The following GABRA3 variants were observed in gnomAD, a reference collection of about 807,000 sequenced individuals.
GABRA3 encodes gamma-aminobutyric acid type A receptor subunit alpha3, also known as gamma-aminobutyric acid receptor subunit alpha-3.
Under a neutral mutation model 30.1 loss-of-function variants are expected in GABRA3, and 10 were observed. The observed-to-expected ratio is 0.33, with a 90% CI of 0.20 to 0.56. The LOEUF is 0.56. GABRA3 is among the 20% of genes least tolerant of loss of function. GABRA3 has a pLI of 0.89. For synonymous variants in GABRA3, 151 were observed against 146.8 expected, an observed-to-expected ratio of 1.03 and a Z score of -0.21; for missense variants, 233 against 392.0, an observed-to-expected ratio of 0.59 and a Z score of 3.42.
intron 5 of GABRA3, among the ~76,000 whole-genome samples, chrX:152,237,395 G>C (rs1938246220): frequency 9.5e-6 from 1 of 105,279 alleles, no homozygotes; most frequent in African/African-American, 3.6e-5. Flanking sequence ...TTTGGTTACT[G>C]TAGCCTTGTA....
chrX:152,361,471 G>A (rs1163204441), intron 2 of GABRA3, among the ~76,000 whole-genome samples: 3 of 107,808 alleles, frequency 2.8e-5, no homozygotes, highest in Non-Finnish European at 5.7e-5. Context: ...TACTCCGGAG[G>A]CTGAGGCAGG....
At chrX:152,189,465 G>A (rs765273551) in intron 9 of GABRA3, among the ~76,000 whole-genome samples, 1 of 111,839 alleles carries the variant, frequency 8.9e-6, no homozygotes, top group East Asian at 2.8e-4. Flanking sequence ...AAGTACCAAT[G>A]GGTGCCCCTT....
At chrX:152,202,640 G>T (rs765057464) in intron 7 of GABRA3, among the ~76,000 whole-genome samples, 2 of 112,331 alleles carry the variant, frequency 1.8e-5, no homozygotes, top group South Asian at 7.3e-4. Context: ...GTATGTGTAT[G>T]TATGTGCACA....
At chrX:152,447,897 C>T (rs1299581102) in intron 1 of GABRA3, among the ~76,000 whole-genome samples, 22 of 111,921 alleles carry the variant, frequency 2.0e-4, no homozygotes. Context: ...TGTCTGTGAA[C>T]TTTTATTACC....
intron 3 of GABRA3, among the ~76,000 whole-genome samples, chrX:152,336,297 T>C (rs778615511): frequency 3.6e-5 from 4 of 111,662 alleles, no homozygotes; most frequent in African/African-American, 6.5e-5. Context: ...GCTAAGAAAC[T>C]GTTCCTGCTT....
intron 9 of GABRA3, among the ~76,000 whole-genome samples, chrX:152,182,653 CATAT>C (rs373015912): frequency 2.3e-4 from 2 of 8,615 alleles, no homozygotes; most frequent in African/African-American, 9.8e-4. Context: ...ACTATATATA[CATAT>C]ATAGTGTATA....
In GABRA3 at chrX:152,166,441, T is replaced by C. The variant is rs1936938403; in HGVS notation, c.*1787A>G. ...ATGAATTTACCTACAGACACAGTCT[T>C]AGGAATAATGGGACGGGCATGCATT... On this transcript the variant is annotated 3_prime_UTR_variant, in exon 10 of 10. Coordinates refer to ENST00000370314, the MANE Select transcript of GABRA3 (RefSeq NM_000808.4). 9.9e-6 allele frequency: 1 copy of C among 100,582 alleles called. No homozygotes were observed. Among genetic ancestry groups the C allele is most frequent in the Non-Finnish European group, 2.0e-5 (1 of 50,447 alleles). The allele number at this position is 100,582 out of a possible 1,213,427, so 8.3% of individuals were successfully genotyped here. A position where few individuals can be genotyped will look rare whatever the true frequency, so the allele number is the denominator to read the frequency against.
At chrX:152,199,563 T>G (rs1937450827) in intron 7 of GABRA3, among the ~76,000 whole-genome samples, 2 of 110,751 alleles carry the variant, frequency 1.8e-5, no homozygotes, top group African/African-American at 6.6e-5. Flanking sequence ...TGAGACACAT[T>G]TCTGTTAAGT....
At chrX:152,364,362 T>C in intron 2 of GABRA3, 69 bp downstream of exon 2, 1 of 1,055,224 alleles carries the variant, frequency 9.5e-7, no homozygotes, top group South Asian at 2.2e-5. Context: ...GGGGAAAACA[T>C]CAGAAGTTTT....
At chrX:152,172,110 A>G (rs764939187) in intron 9 of GABRA3, among the ~76,000 whole-genome samples, 9 of 111,870 alleles carry the variant, frequency 8.0e-5, no homozygotes, top group Non-Finnish European at 1.7e-4. Context: ...AAAACCAACA[A>G]CAAAAACCCA....
At chrX:152,437,197 G>A (rs780606184) in intron 1 of GABRA3, among the ~76,000 whole-genome samples, 1 of 111,844 alleles carries the variant, frequency 8.9e-6, no homozygotes, top group East Asian at 2.8e-4. Flanking sequence ...ATCTTCAAAA[G>A]TCAATAGCAT....
At chrX:152,182,509 CTA>C (rs1171351647) in intron 9 of GABRA3, among the ~76,000 whole-genome samples, 2 of 80,256 alleles carry the variant, frequency 2.5e-5, no homozygotes, top group African/African-American at 4.6e-5. Flanking sequence ...TATATATACT[CTA>C]TATAGTATAC....
intron 1 of GABRA3, among the ~76,000 whole-genome samples, chrX:152,371,213 T>A (rs1928829959): frequency 9.0e-6 from 1 of 111,140 alleles, no homozygotes; most frequent in Admixed American, 9.6e-5. Context: ...CAATTCACTC[T>A]CCCACTCTCA....
intron 3 of GABRA3, among the ~76,000 whole-genome samples, chrX:152,310,768 T>C (rs1174036342): frequency 9.1e-6 from 1 of 109,400 alleles, no homozygotes; most frequent in African/African-American, 3.3e-5. Flanking sequence ...TCCATGAAAC[T>C]AAAAGGCTTT....
intron 1 of GABRA3, among the ~76,000 whole-genome samples, chrX:152,383,712 G>A (rs1417766208): frequency 7.6e-5 from 8 of 105,436 alleles, no homozygotes; most frequent in African/African-American, 1.7e-4. Flanking sequence ...AAAAACCCTC[G>A]ATAAAGGCCA....
At chrX:152,299,485 C>T (rs1167758775) in intron 3 of GABRA3, among the ~76,000 whole-genome samples, 1 of 111,291 alleles carries the variant, frequency 9.0e-6, no homozygotes, top group Non-Finnish European at 1.9e-5. Flanking sequence ...TCCTGGGAAT[C>T]GGAACTGAGC....
chrX:152,329,995 T>C (rs955981514), intron 3 of GABRA3, among the ~76,000 whole-genome samples: 9 of 111,043 alleles, frequency 8.1e-5, no homozygotes, highest in African/African-American at 3.0e-4. Flanking sequence ...TTAAACAAAT[T>C]TACAAGAAAA....
intron 1 of GABRA3, among the ~76,000 whole-genome samples, chrX:152,378,814 A>T (rs1929065782): frequency 9.7e-6 from 1 of 103,095 alleles, no homozygotes; most frequent in Admixed American, 1.1e-4. Flanking sequence ...AGTTGACAGT[A>T]TATATGTTAT....
At chrX:152,304,310 A>G (rs936153126) in intron 3 of GABRA3, among the ~76,000 whole-genome samples, 1 of 112,033 alleles carries the variant, frequency 8.9e-6, no homozygotes, top group African/African-American at 3.2e-5. Context: ...GATTAATTAG[A>G]TCCCACTTGT....
Sources: gnomAD v4.1 joint callset for allele counts (sites outside exome capture counted in the v4.1 genomes callset) on GRCh38, gnomAD v4.1.1 for gene constraint, MANE v1.5 for transcripts, NCBI Gene and HGNC (gene_info 2026-07-23, HGNC 2026-07-21) for gene names.